ZNF569: variants seen among roughly 807,000 people sequenced by gnomAD.
ZNF569 encodes the protein zinc finger protein 569.
ZNF569 carries 38 observed loss-of-function variants against 56.3 expected under a neutral mutation model. The ratio of observed to expected loss-of-function variants is 0.68; its 90% CI spans 0.52 to 0.88. The LOEUF (loss-of-function observed/expected upper bound fraction) is 0.88, where lower values mean the gene tolerates loss of function less well. Among genes scored for constraint, ZNF569 ranks in the 40% least tolerant of loss-of-function variants. ZNF569 has a pLI of 0.00. For synonymous variants in ZNF569, 241 were observed against 262.9 expected (o/e 0.92, Z 0.81); for missense variants, 666 against 809.2 (o/e 0.82, Z 2.15).
At chr19:37,451,533 T>C (rs2041593859) in intron 2 of ZNF569, among the ~76,000 whole-genome samples, 1 of 152,128 alleles carries the variant, frequency 6.6e-6, no homozygotes, top group Non-Finnish European at 1.5e-5. Flanking sequence ...AAGTGGGGTA[T>C]TAAAGTCTCC....
At chr19:37,430,752 A>T (rs2041212737) in intron 3 of ZNF569, among the ~76,000 whole-genome samples, 1 of 152,212 alleles carries the variant, frequency 6.6e-6, no homozygotes, top group Non-Finnish European at 1.5e-5. Context: ...TTAACTTCAC[A>T]TCACTGAAAG....
intron 5 of ZNF569, among the ~76,000 whole-genome samples, chr19:37,420,209 C>T (rs1372952781): frequency 3.3e-5 from 5 of 151,852 alleles, no homozygotes; most frequent in Non-Finnish European, 5.9e-5. Flanking sequence ...AGGCTAGTCT[C>T]GAACTCCTGA....
intron 3 of ZNF569, among the ~76,000 whole-genome samples, chr19:37,438,622 A>C (rs564534631): frequency 6.6e-6 from 1 of 152,316 alleles, no homozygotes; most frequent in East Asian, 1.9e-4. Context: ...TAAAGACTTA[A>C]ATCTAAGACC....
upstream of ZNF569, among the ~76,000 whole-genome samples, chr19:37,468,258 G>GT (rs1259109659): frequency 1.4e-5 from 2 of 146,250 alleles, no homozygotes; most frequent in East Asian, 4.4e-4. Context: ...GCTGATTTTT[G>GT]TTTGTTTGTT....
Position 37,444,889 on chromosome 19 carries a change from A to G in ZNF569, c.15+18T>C, listed in dbSNP as rs2146940082. The G allele has an allele frequency of 1.9e-6, 3 of 1,598,970 alleles. No homozygotes were observed. Among genetic ancestry groups the G allele is most frequent in the Non-Finnish European group, 2.6e-6 (3 of 1,171,256 alleles). On this transcript the variant is annotated intron_variant, in intron 3 of 5. Transcript: ENST00000316950. ...TTGGAGAGTAAGGCAAGAAACAAAT[A>G]CACTATTTAACATTTACCTGGGACT... is the stretch of plus-strand genomic sequence containing the variant.
rs1491287526 is a variant in ZNF569 at position 37,432,902 on chromosome 19, GTC to G, written c.16-6526_16-6525del. ...AACGGACAAACTAAAGAATGCATCA[GTC>G]TTTTTTTTTTTTTTTTTTTTTGAGA... is the stretch of plus-strand genomic sequence containing the variant. On this transcript the variant is annotated intron_variant, in intron 3 of 5. Transcript: ENST00000316950. 4.2e-5 allele frequency among the ~76,000 whole-genome samples: 6 copies of G among 144,484 alleles called. No homozygotes were observed. The East Asian group carries it at 1.2e-3, about 29-fold the overall frequency. 94.8% of individuals were successfully genotyped at this position (144,484 alleles called of 152,430 possible).
intron 3 of ZNF569, among the ~76,000 whole-genome samples, chr19:37,426,978 T>C (rs953638197): frequency 6.6e-6 from 1 of 152,178 alleles, no homozygotes; most frequent in Non-Finnish European, 1.5e-5. Flanking sequence ...AATTTGTTTT[T>C]TAATGGTCAG....
intron 2 of ZNF569, among the ~76,000 whole-genome samples, chr19:37,452,756 A>G (rs80290021): frequency 0.028 from 4,244 of 152,038 alleles, 101 homozygotes; most frequent in South Asian, 0.1. Flanking sequence ...TCTGTGTTTG[A>G]CTTTTGACAA....
chr19:37,431,714 AC>A (rs1380355407), intron 3 of ZNF569: 1 of 152,276 alleles, frequency 6.6e-6, no homozygotes, highest in South Asian at 2.1e-4. Context: ...GGGGTACAGC[AC>A]CAAGTGGGTT....
upstream of ZNF569, chr19:37,468,048 C>A: frequency 2.9e-5 from 24 of 839,226 alleles, no homozygotes; most frequent in Non-Finnish European, 4.2e-5. Flanking sequence ...AGACTAGGTA[C>A]TTAACTTCTC....
intron 2 of ZNF569, among the ~76,000 whole-genome samples, chr19:37,453,920 T>G (rs928314437): frequency 6.6e-6 from 1 of 152,230 alleles, no homozygotes; most frequent in Non-Finnish European, 1.5e-5. Flanking sequence ...AGTATGTTTT[T>G]TCTTTTTCTT....
Position 37,420,282 on chromosome 19 carries a change from C to T in ZNF569, c.238+5586G>A, listed in dbSNP as rs535909709. On this transcript the variant is annotated intron_variant, in intron 5 of 5. Transcript: ENST00000316950. ...GGATTACAGGTGTGAGCCACTGCGC[C>T]GGCCCCAATTTCTTAAGATAACAAT... is the stretch of plus-strand genomic sequence containing the variant. Among the ~76,000 whole-genome samples the T allele has an allele frequency of 1.7e-3, 255 of 152,024 alleles. 1 individual carries two copies. The highest frequency in any genetic ancestry group is 3.1e-3 in the Non-Finnish European group (213 of 67,968).
rs149823258 is a variant in ZNF569, at chr19:37,413,625, T to C, written c.1033A>G (p.Met345Val). 3.6e-5 allele frequency: 58 copies of C among 1,613,764 alleles called. No homozygotes were observed. The African/African-American group carries it at 7.3e-4, about 20-fold the overall frequency. Reference sequence around the variant, plus strand: ...GGTTTTTCTCCTGTATGACTTCTCATATGAAGAGCAAGGGATGCAATTCGA... The same window carrying C: ...GGTTTTTCTCCTGTATGACTTCTCACATGAAGAGCAAGGGATGCAATTCGA... Reference protein sequence around the residue: ...FPRIASLALHMRSHTGEKPYK... With the variant: ...FPRIASLALHVRSHTGEKPYK... Residue 345 changes from methionine (M) to valine (V), a missense_variant, in exon 6 of 6, where the codon ATG becomes GTG. Met to Val is a conservative substitution (Grantham distance 21). Coordinates refer to ENST00000316950, the MANE Select transcript of ZNF569 (RefSeq NM_152484.3).
At chr19:37,452,718 G>A (rs2041614831) in intron 2 of ZNF569, among the ~76,000 whole-genome samples, 3 of 152,074 alleles carry the variant, frequency 2.0e-5, no homozygotes, top group Admixed American at 6.6e-5. Context: ...TATGTGACAA[G>A]TTGCTTTTCT....
intron 3 of ZNF569, among the ~76,000 whole-genome samples, chr19:37,440,417 G>A (rs1205535569): frequency 1.3e-5 from 2 of 152,086 alleles, no homozygotes; most frequent in African/African-American, 4.8e-5. Context: ...GGGGCTAGGA[G>A]TGAGAGAGGG....
chr19:37,418,109 A>G (rs1464196936), intron 5 of ZNF569, among the ~76,000 whole-genome samples: 1 of 148,670 alleles, frequency 6.7e-6, no homozygotes, highest in Non-Finnish European at 1.5e-5. Flanking sequence ...TCAAATAATA[A>G]TAATAATAAT....
At position 37,426,296 on chromosome 19, in the gene ZNF569, T is replaced by A. The variant is rs772728740; in HGVS notation, c.98A>T (p.Tyr33Phe). Residue 33 changes from tyrosine (Y) to phenylalanine (F), a missense_variant, in exon 4 of 6, where the codon TAC (tyrosine) becomes TTC (phenylalanine). Transcript: ENST00000316950. ...ATAGTTTTCTAGCATCACATTCCGG[T>A]ACAGTTTTCTCTGAGCAGGATCCAA... ...KRLDPAQRKL[Y>F]RNVMLENYNN... 4 of 1,613,794 alleles carry A rather than the reference T, an allele frequency of 2.5e-6. No homozygotes were observed. Among genetic ancestry groups the A allele is most frequent in the Non-Finnish European group, 3.4e-6 (4 of 1,179,876 alleles).
chr19:37,451,402 A>AGG (rs2041591649), intron 2 of ZNF569, among the ~76,000 whole-genome samples: 1 of 138,332 alleles, frequency 7.2e-6, no homozygotes. Flanking sequence ...CCCATCTGAA[A>AGG]AAAAAAAAAA....
chr19:37,418,740 T>C (rs1180568254), intron 5 of ZNF569, among the ~76,000 whole-genome samples: 1 of 152,032 alleles, frequency 6.6e-6, no homozygotes. Context: ...TACCTATCAC[T>C]CCCAAGAGAA....
Sources: allele counts gnomAD v4.1 joint callset (sites outside exome capture counted in the v4.1 genomes callset), GRCh38; gene constraint gnomAD v4.1.1; transcripts MANE v1.5; gene names NCBI Gene and HGNC (gene_info 2026-07-23, HGNC 2026-07-21).